The following PALLD variants were observed in gnomAD, a reference collection of about 807,000 sequenced individuals.
PALLD encodes the protein palladin.
A neutral mutation model predicts 123.5 loss-of-function variants in PALLD; 61 were observed. That is an observed-to-expected ratio of 0.49 (90% CI 0.40 to 0.61). The LOEUF is 0.61. PALLD is among the 20% of genes least tolerant of loss of function. PALLD has a pLI of 0.00. For synonymous variants in PALLD, 465 were observed against 496.4 expected (o/e 0.94, Z 0.84); for missense variants, 1,273 against 1,377.0 (o/e 0.92, Z 1.20).
chr4:168,511,278 T>C (rs148556995), intron 1 of PALLD, 145 bp from the exon 2 acceptor site: 106 of 540,488 alleles, frequency 2.0e-4, no homozygotes, highest in Non-Finnish European at 3.2e-4. Context: ...AACACAAGTA[T>C]ACTTGATATT....
At chr4:168,663,754 T>C (rs1355594791) in intron 2 of PALLD, among the ~76,000 whole-genome samples, 2 of 152,266 alleles carry the variant, frequency 1.3e-5, no homozygotes, top group Admixed American at 6.5e-5. Flanking sequence ...CATTTGTCCC[T>C]TTCTGATATC....
chr4:168,591,899 G>A (rs538683495), intron 2 of PALLD, among the ~76,000 whole-genome samples: 2 of 151,916 alleles, frequency 1.3e-5, no homozygotes, highest in African/African-American at 2.4e-5. Context: ...AGGCTTTGGA[G>A]CAATAAAAAT....
chr4:168,824,102 A>G (rs1743091875), intron 10 of PALLD, among the ~76,000 whole-genome samples: 1 of 152,190 alleles, frequency 6.6e-6, no homozygotes, highest in Admixed American at 6.5e-5. Context: ...CAATAAATTA[A>G]TCTCTAATGA....
intron 6 of PALLD, among the ~76,000 whole-genome samples, chr4:168,690,284 A>G (rs1782493914): frequency 6.6e-6 from 1 of 152,242 alleles, no homozygotes; most frequent in Admixed American, 6.5e-5. Flanking sequence ...TAGATAAAGA[A>G]AGTTAACATT....
intron 10 of PALLD, among the ~76,000 whole-genome samples, chr4:168,876,291 A>G (rs1751740209): frequency 6.6e-6 from 1 of 152,214 alleles, no homozygotes; most frequent in African/African-American, 2.4e-5. Context: ...TTCTAAATGC[A>G]TGAATGCCAG....
intron 8 of PALLD, among the ~76,000 whole-genome samples, chr4:168,708,239 A>C (rs950144913): frequency 6.6e-6 from 1 of 152,236 alleles, no homozygotes; most frequent in Non-Finnish European, 1.5e-5. Flanking sequence ...AGTGTATAGT[A>C]AGGGTTATAT....
At chr4:168,702,856 T>C (rs187985977) in intron 8 of PALLD, among the ~76,000 whole-genome samples, 1 of 151,266 alleles carries the variant, frequency 6.6e-6, no homozygotes, top group Non-Finnish European at 1.5e-5. Flanking sequence ...ATTAATCTTT[T>C]TTTTAACTTT....
intron 10 of PALLD, among the ~76,000 whole-genome samples, chr4:168,715,340 T>G (rs1441692366): frequency 6.6e-6 from 1 of 152,172 alleles, no homozygotes; most frequent in Non-Finnish European, 1.5e-5. Context: ...GCACACAGGA[T>G]TTGTGCAACG....
In PALLD at chr4:168,843,513, G is replaced by A. The variant is rs114061615; in HGVS notation, c.1965-47409G>A. Among the ~76,000 whole-genome samples the A allele has an allele frequency of 9.6e-3, 1,458 of 152,270 alleles. 10 individuals are homozygous for A. The highest frequency in any genetic ancestry group is 0.017 in the Non-Finnish European group (1,137 of 68,026). On this transcript the variant is annotated intron_variant, in intron 10 of 21. Coordinates refer to ENST00000505667, the MANE Select transcript of PALLD (RefSeq NM_001166108.2). ...ATATAATGCCGCAGTCATAGTTGTA[G>A]CCCATTATTCCAGGTAATAATGATG... is the stretch of plus-strand genomic sequence containing the variant.
At chr4:168,615,001 T>C (rs943043824) in intron 2 of PALLD, among the ~76,000 whole-genome samples, 7 of 152,142 alleles carry the variant, frequency 4.6e-5, no homozygotes, top group African/African-American at 1.4e-4. Flanking sequence ...CTAGAGCCAA[T>C]AAGCCCCAGT....
intron 10 of PALLD, among the ~76,000 whole-genome samples, chr4:168,769,086 G>A (rs541020629): frequency 4.6e-5 from 7 of 152,348 alleles, no homozygotes; most frequent in African/African-American, 1.7e-4. Context: ...GCCTCCCAAA[G>A]TACTGGGATT....
intron 14 of PALLD, 84 bp downstream of exon 14, chr4:168,898,798 A>G: frequency 1.2e-6 from 1 of 859,706 alleles, no homozygotes; most frequent in Non-Finnish European, 2.0e-6. Flanking sequence ...AGTAGGAGAA[A>G]GAGATACAAA....
intron 10 of PALLD, among the ~76,000 whole-genome samples, chr4:168,770,425 T>C (rs888343441): frequency 1.3e-5 from 2 of 152,170 alleles, no homozygotes; most frequent in African/African-American, 4.8e-5. Context: ...TCTCCAGTGC[T>C]GCCTGCTCAT....
chr4:168,762,227 A>G (rs1733044891), intron 10 of PALLD, among the ~76,000 whole-genome samples: 1 of 152,124 alleles, frequency 6.6e-6, no homozygotes, highest in Non-Finnish European at 1.5e-5. Context: ...TAATCTCAGC[A>G]CTTTGGGAGC....
At chr4:168,576,565 C>T (rs1276225460) in intron 2 of PALLD, among the ~76,000 whole-genome samples, 1 of 152,124 alleles carries the variant, frequency 6.6e-6, no homozygotes, top group Non-Finnish European at 1.5e-5. Flanking sequence ...AGGACATGAA[C>T]TCATCATTTT....
At chr4:168,906,361 C>T (rs1163229086) in intron 15 of PALLD, among the ~76,000 whole-genome samples, 1 of 152,132 alleles carries the variant, frequency 6.6e-6, no homozygotes, top group East Asian at 1.9e-4. Flanking sequence ...TGCATTTTTA[C>T]ATGTGGAAAA....
intron 10 of PALLD, among the ~76,000 whole-genome samples, chr4:168,877,146 A>G (rs1052187828): frequency 6.6e-6 from 1 of 152,258 alleles, no homozygotes; most frequent in African/African-American, 2.4e-5. Context: ...GTTTACTACT[A>G]AAATTTTGCA....
At chr4:168,852,370 G>A (rs957377823) in intron 10 of PALLD, among the ~76,000 whole-genome samples, 1 of 152,158 alleles carries the variant, frequency 6.6e-6, no homozygotes, top group Non-Finnish European at 1.5e-5. Context: ...TGTAGTAAAA[G>A]CTCAATCAGT....
At chr4:168,793,057 T>C (rs1012807265) in intron 10 of PALLD, among the ~76,000 whole-genome samples, 1 of 151,392 alleles carries the variant, frequency 6.6e-6, no homozygotes, top group Non-Finnish European at 1.5e-5. Flanking sequence ...GTGGGGCGTA[T>C]TTTTAAATGT....
Sources: allele counts gnomAD v4.1 joint callset (sites outside exome capture counted in the v4.1 genomes callset), GRCh38; gene constraint gnomAD v4.1.1; transcripts MANE v1.5; gene names NCBI Gene and HGNC (gene_info 2026-07-23, HGNC 2026-07-21).